Variants in TTN observed in about 807,000 individuals in gnomAD.
TTN encodes the protein titin.
A neutral mutation model predicts 3,223.0 loss-of-function variants in TTN; 1,525 were observed. That is an observed-to-expected ratio of 0.47 (90% CI 0.45 to 0.49). The LOEUF (loss-of-function observed/expected upper bound fraction) is 0.49. Among genes scored for constraint, TTN ranks in the 20% least tolerant of loss-of-function variants. The pLI, the probability that TTN is intolerant of heterozygous loss-of-function variation, is 0.00. For missense variants in TTN, 40,786 were observed against 43,424.0 expected, an observed-to-expected ratio of 0.94 and a Z score of 5.40; for synonymous variants, 14,094 against 15,161.0, an observed-to-expected ratio of 0.93 and a Z score of 5.17.
chr2:178,751,134 G>T (rs1011757571), intron 47 of TTN: 4 of 1,612,624 alleles, frequency 2.5e-6, no homozygotes, highest in Non-Finnish European at 3.4e-6. Context: ...CTTTCAGCTA[G>T]ATCAGACATA....
In TTN at chr2:178,652,495, C is replaced by T. The variant is rs375519815; in HGVS notation, c.39090G>A (p.Ala13030=). 3.8e-5 allele frequency: 61 copies of T among 1,613,400 alleles called. No individual in the cohort carries two copies. The highest frequency in any genetic ancestry group is 2.0e-4 in the African/African-American group (15 of 74,894). The change falls in exon 202 of 363, where the codon GCG becomes GCA. Residue 13030 remains alanine (A), a synonymous_variant. Coordinates refer to ENST00000589042, the MANE Select transcript of TTN (RefSeq NM_001267550.2). ...KEVVPEKKVP[A]APPKKPEVTP... is the part of the protein sequence containing the mutation. ...TGACTTCAGGCTTTTTAGGAGGAGC[C>T]GCTGGCACTTTCTTTTCAGGAACAA...
chr2:178,558,432 A>G lies in TTN; in HGVS notation c.87027T>C (p.Ser29009=). 1 of 1,613,820 alleles carries G rather than the reference A, an allele frequency of 6.2e-7. No individual in the cohort carries two copies. The change falls in exon 327 of 363, where the codon TCT becomes TCC. Residue 29009 remains serine (S), a synonymous_variant. Coordinates refer to ENST00000589042, the MANE Select transcript of TTN (RefSeq NM_001267550.2). The part of the protein sequence containing the change: ...HHVVSGLREN[S]EYFFRVFAEN... ...CAGCAAACACTCGGAAAAAGTATTC[A>G]GAATTCTCTCTCAGACCGGAAACAA...
intron 119 of TTN, 101 bp downstream of exon 119, chr2:178,693,508 T>G (rs1031668108): frequency 2.2e-4 from 189 of 864,044 alleles, no homozygotes; most frequent in Non-Finnish European, 3.1e-4. Flanking sequence ...GTATGCACAC[T>G]GTGACTAAAT....
In TTN at chr2:178,546,724, G is replaced by A; in HGVS notation, c.94704C>T (p.Phe31568=). Reference sequence around the variant, plus strand: ...CTTCACTGAGAGCAGTCACGGTGAAGAAATTGTCAGATACAATGGTGTAGT... The same window carrying A: ...CTTCACTGAGAGCAGTCACGGTGAAAAAATTGTCAGATACAATGGTGTAGT... ...KCNYTIVSDN[F]FTVTALSEGD... The change falls in exon 341 of 363, where the codon TTC becomes TTT. Residue 31568 remains phenylalanine, a synonymous_variant. Coordinates refer to ENST00000589042, the MANE Select transcript of TTN (RefSeq NM_001267550.2). 2 of 1,613,810 alleles carry A rather than the reference G, an allele frequency of 1.2e-6. No individual in the cohort carries two copies. Among genetic ancestry groups the A allele is most frequent in the South Asian group, 2.2e-5 (2 of 91,078 alleles).
chr2:178,537,499 A>G lies in TTN; in HGVS notation c.99708T>C (p.Leu33236=). Residue 33236 remains leucine (L), a synonymous_variant, in exon 355 of 363, where the codon CTT becomes CTC. Coordinates refer to ENST00000589042, the MANE Select transcript of TTN (RefSeq NM_001267550.2). ...PAMTWFHGQK[L]LQNSENITIE... ...TAGTAATGTTTTCTGAGTTTTGCAA[A>G]AGTTTCTGACCATGGAACCAAGTCA... 1 of 1,613,710 alleles carries G rather than the reference A, an allele frequency of 6.2e-7. No homozygotes were observed. The highest frequency in any genetic ancestry group is 8.5e-7 in the Non-Finnish European group (1 of 1,179,742).
At chr2:178,719,936 T>C (rs1417914745) in intron 81 of TTN, 47 bp downstream of exon 81, 1 of 1,546,624 alleles carries the variant, frequency 6.5e-7, no homozygotes, top group Non-Finnish European at 8.7e-7. Context: ...AAAATGATCA[T>C]GGATCAAGTA....
chr2:178,763,186 A>G (rs1285004454), intron 43 of TTN, among the ~76,000 whole-genome samples: 3 of 152,196 alleles, frequency 2.0e-5, no homozygotes, highest in Non-Finnish European at 4.4e-5. Context: ...ATTATAGACA[A>G]TCAGTTATGA....
At chr2:178,790,505 T>C (rs566540129) in intron 11 of TTN, among the ~76,000 whole-genome samples, 1 of 152,338 alleles carries the variant, frequency 6.6e-6, no homozygotes, top group South Asian at 2.1e-4. Flanking sequence ...TATTATATTA[T>C]ATTAGTAACA....
chr2:178,579,369 C>T lies in TTN; in HGVS notation c.67661G>A (p.Gly22554Asp), dbSNP rs2047156517. ...DVVAPDLDLK[G>D]LPDLCYLAKE... ...AGCCAAGTAGCACAAATCAGGTAGACCCTTTAAGTCAAGATCAGGAGCCAC... is the reference window on the plus strand; with the variant it reads ...AGCCAAGTAGCACAAATCAGGTAGATCCTTTAAGTCAAGATCAGGAGCCAC... Residue 22554 changes from glycine (G) to aspartate (D), a missense_variant, in exon 320 of 363, where the codon GGT becomes GAT. Coordinates refer to ENST00000589042, the MANE Select transcript of TTN (RefSeq NM_001267550.2). The T allele has an allele frequency of 3.2e-6, 5 of 1,580,072 alleles. No individual in the cohort carries two copies. Among genetic ancestry groups the T allele is most frequent in the Non-Finnish European group, 4.3e-6 (5 of 1,167,388 alleles).
Position 178,561,893 on chromosome 2 carries a change from T to G in TTN, c.84239A>C (p.Glu28080Ala). The change falls in exon 326 of 363, where the codon GAA (glutamate) becomes GCA (alanine). Residue 28080 changes from glutamate (E) to alanine (A), a missense_variant. By Grantham distance (107) the Glu-to-Ala change is moderately radical (BLOSUM62 -1). Coordinates refer to ENST00000589042, the MANE Select transcript of TTN (RefSeq NM_001267550.2). ...DSITISWNPP[E>A]YDGGCQISNY... is the part of the protein sequence containing the mutation. ...GCTAATTTGGCAGCCACCATCATATTCTGGAGGATTCCAAGAAATGGTTAT... is the reference window on the plus strand; with the variant it reads ...GCTAATTTGGCAGCCACCATCATATGCTGGAGGATTCCAAGAAATGGTTAT... 6.2e-7 allele frequency: 1 copy of G among 1,613,618 alleles called. No individual in the cohort carries two copies. Among genetic ancestry groups the G allele is most frequent in the Non-Finnish European group, 8.5e-7 (1 of 1,179,724 alleles).
Position 178,689,567 on chromosome 2 carries a change from T to G in TTN, c.31875A>C (p.Thr10625=), listed in dbSNP as rs182934463. ...KVPEVQKGVV[T]EEKITIVTQR... is the part of the protein sequence containing the mutation. ...GAGTTACAATGGTTATTTTTTCTTCTGTCACAACTCCCTTCTGTACTTCAG... is the reference window on the plus strand; with the variant it reads ...GAGTTACAATGGTTATTTTTTCTTCGGTCACAACTCCCTTCTGTACTTCAG... The change falls in exon 123 of 363, where the codon ACA becomes ACC. Residue 10625 remains threonine (T), a synonymous_variant. Transcript: ENST00000589042. 1.4e-4 allele frequency: 223 copies of G among 1,609,806 alleles called. 1 individual carries two copies. The highest frequency in any genetic ancestry group is 1.8e-4 in the Non-Finnish European group (215 of 1,177,696).
In TTN at chr2:178,617,019, A is replaced by G. The variant is rs1270177811; in HGVS notation, c.47876-6T>C. The G allele has an allele frequency of 6.2e-6, 10 of 1,612,102 alleles. No individual in the cohort carries two copies. In the Admixed American group the frequency reaches 1.7e-4, roughly 27 times the overall value. The stretch of plus-strand genomic sequence containing the variant: ...TAAATCCATTGTTGGTTCAACTACA[A>G]AGAAGAAAAGTTAATGAGTTTGCAG... On this transcript the variant is annotated splice_region_variant and splice_polypyrimidine_tract_variant and intron_variant, in intron 255 of 362. Transcript: ENST00000589042.
In TTN at chr2:178,718,225, T is replaced by A; in HGVS notation, c.24785-4A>T. ...GGTTCAATAAAGTACGGTGGTTCTA[T>A]GGTACAAAGGATGGTAGTCAGCAAG... On this transcript the variant is annotated splice_region_variant and splice_polypyrimidine_tract_variant and intron_variant, in intron 85 of 362. Coordinates refer to ENST00000589042, the MANE Select transcript of TTN (RefSeq NM_001267550.2). The A allele has an allele frequency of 6.3e-7, 1 of 1,596,928 alleles. No individual in the cohort carries two copies. The highest frequency in any genetic ancestry group is 8.5e-7 in the Non-Finnish European group (1 of 1,174,190).
At position 178,605,300 on chromosome 2, in the gene TTN, A is replaced by C. The variant is rs1369648014; in HGVS notation, c.53882-5T>G. ...GCAACTTAATAGTTGGAGGCACTGC[A>C]AAGAGAAGAGAAAGAAAAACAGTAA... On this transcript the variant is annotated splice_polypyrimidine_tract_variant and splice_region_variant and intron_variant, in intron 279 of 362. Transcript: ENST00000589042. 12 of 1,558,326 alleles carry C rather than the reference A, an allele frequency of 7.7e-6. No homozygotes were observed. The highest frequency in any genetic ancestry group is 7.8e-6 in the Non-Finnish European group (9 of 1,155,052).
Position 178,530,557 on chromosome 2 carries a change from T to C in TTN, c.106058A>G (p.Asp35353Gly). Residue 35353 changes from aspartate (D) to glycine (G), a missense_variant, in exon 358 of 363, where the codon GAT becomes GGT. Coordinates refer to ENST00000589042, the MANE Select transcript of TTN (RefSeq NM_001267550.2). ...AATCTCACAAACATATTCTCCTTGA[T>C]CAGATTCAGTGAGGTTATTGATTTT... ...ELKINNLTES[D>G]QGEYVCEISG... The C allele has an allele frequency of 6.2e-7, 1 of 1,614,018 alleles. No homozygotes were observed. The highest frequency in any genetic ancestry group is 8.5e-7 in the Non-Finnish European group (1 of 1,179,886).
Position 178,671,947 on chromosome 2 carries a change from T to A in TTN, c.35227+24A>T, listed in dbSNP as rs746822169. 6 of 1,576,240 alleles carry A rather than the reference T, an allele frequency of 3.8e-6. No homozygotes were observed. The East Asian group carries it at 1.3e-4, about 35-fold the overall frequency. ...AGTTAGAGCAAGATATAAGAATTTG[T>A]AGTATTTGAAGAATTCCCTATACCT... On this transcript the variant is annotated intron_variant, in intron 155 of 362. Coordinates refer to ENST00000589042, the MANE Select transcript of TTN (RefSeq NM_001267550.2).
Position 178,720,027 on chromosome 2 carries a change from T to C in TTN, c.23615A>G (p.Asn7872Ser), listed in dbSNP as rs746024262. 1.2e-6 allele frequency: 2 copies of C among 1,613,108 alleles called. No homozygotes were observed. Among genetic ancestry groups the C allele is most frequent in the East Asian group, 2.2e-5 (1 of 44,824 alleles). ...AGAGCATTCTCTCATTCCAGCATCGTTTTTGATTTGGCATATATATTTTCC... is the reference window on the plus strand; with the variant it reads ...AGAGCATTCTCTCATTCCAGCATCGCTTTTGATTTGGCATATATATTTTCC... ...NSGKYICQIK[N>S]DAGMRECSAV... Residue 7872 changes from asparagine to serine, a missense_variant, in exon 81 of 363, where the codon AAC (asparagine) becomes AGC (serine). Physicochemically the swap from Asn to Ser is conservative, Grantham distance 46. Transcript: ENST00000589042.
At chr2:178,593,508 T>C (rs1204868073) in intron 298 of TTN, 33 bp from the exon 299 acceptor site, 2 of 1,598,106 alleles carry the variant, frequency 1.3e-6, no homozygotes, top group African/African-American at 2.7e-5. Flanking sequence ...CGTTAGAAAT[T>C]TATTTCTTTA....
In TTN at chr2:178,717,725, G is replaced by C. The variant is rs555511234; in HGVS notation, c.25149C>G (p.Ile8383Met). The C allele has an allele frequency of 1.2e-6, 2 of 1,613,324 alleles. No homozygotes were observed. The highest frequency in any genetic ancestry group is 1.1e-5 in the South Asian group (1 of 91,012). Residue 8383 changes from isoleucine to methionine, a missense_variant, in exon 87 of 363, where the codon ATC becomes ATG. Coordinates refer to ENST00000589042, the MANE Select transcript of TTN (RefSeq NM_001267550.2). ...ACACTTGAAGAGGTTCTGAGCCATT[G>C]ATGCGGCATTCAAATGCAACTGGGA... Reference protein sequence around the residue: ...LGFPVAFECRINGSEPLQVSW... With the variant: ...LGFPVAFECRMNGSEPLQVSW...
Sources: gnomAD v4.1 joint callset for allele counts (sites outside exome capture counted in the v4.1 genomes callset) on GRCh38, gnomAD v4.1.1 for gene constraint, MANE v1.5 for transcripts, NCBI Gene and HGNC (gene_info 2026-07-23, HGNC 2026-07-21) for gene names.